FTO: variants seen among roughly 807,000 people sequenced by gnomAD.
FTO encodes FTO alpha-ketoglutarate dependent dioxygenase, also known as alpha-ketoglutarate-dependent dioxygenase FTO.
Under a neutral mutation model 63.9 loss-of-function variants are expected in FTO, and 47 were observed. The ratio of observed to expected loss-of-function variants is 0.74; its 90% CI spans 0.58 to 0.94. The LOEUF is 0.94. FTO is among the 40% of genes least tolerant of loss of function. The pLI, the probability that FTO is intolerant of heterozygous loss-of-function variation, is 0.00. For missense variants in FTO, 562 were observed against 618.1 expected, an observed-to-expected ratio of 0.91 and a Z score of 0.96; for synonymous variants, 207 against 224.4, an observed-to-expected ratio of 0.92 and a Z score of 0.69.
intron 4 of FTO, among the ~76,000 whole-genome samples, chr16:53,859,011 C>T (rs543993954): frequency 6.6e-6 from 1 of 152,300 alleles, no homozygotes; most frequent in East Asian, 1.9e-4. Flanking sequence ...TTAGCCAGGG[C>T]TACCTTTCTC....
chr16:53,944,656 T>C (rs2082615350), intron 8 of FTO, among the ~76,000 whole-genome samples: 1 of 152,218 alleles, frequency 6.6e-6, no homozygotes, highest in Admixed American at 6.5e-5. Context: ...GATGAGTTAC[T>C]TAACCCCTCT....
At chr16:53,751,342 C>T (rs557988152) in intron 1 of FTO, among the ~76,000 whole-genome samples, 122 of 152,194 alleles carry the variant, frequency 8.0e-4, no homozygotes, top group Admixed American at 1.4e-3. Context: ...CCTGTAGTCC[C>T]AGCTATTTGG....
chr16:54,042,299 C>A (rs552995596), intron 8 of FTO, among the ~76,000 whole-genome samples: 1 of 135,916 alleles, frequency 7.4e-6, no homozygotes, highest in Non-Finnish European at 1.5e-5. Context: ...ACCTGGGAAG[C>A]GCAAGGGGTC....
chr16:54,108,069 G>A (rs929813942), intron 8 of FTO, among the ~76,000 whole-genome samples: 8 of 152,190 alleles, frequency 5.3e-5, no homozygotes, highest in Admixed American at 4.6e-4. Context: ...CATGAAGCAT[G>A]GGGAAGGGAC....
At chr16:53,904,912 C>G (rs370670443) in intron 7 of FTO, among the ~76,000 whole-genome samples, 1 of 151,952 alleles carries the variant, frequency 6.6e-6, no homozygotes, top group African/African-American at 2.4e-5. Context: ...CAGGTTGAAG[C>G]CTTTACCTTG....
chr16:53,911,359 G>A (rs1014039997), intron 7 of FTO: 4 of 703,012 alleles, frequency 5.7e-6, no homozygotes, highest in Admixed American at 4.0e-5. Flanking sequence ...GGTGAGAAGA[G>A]GACCAGGAGT....
At chr16:53,899,146 G>C (rs1016118395) in intron 7 of FTO, among the ~76,000 whole-genome samples, 3 of 152,036 alleles carry the variant, frequency 2.0e-5, no homozygotes, top group Admixed American at 6.6e-5. Flanking sequence ...GGGCACAGAG[G>C]ACAGTCTTGT....
chr16:54,056,016 A>T (rs1480294480), intron 8 of FTO, among the ~76,000 whole-genome samples: 1 of 152,242 alleles, frequency 6.6e-6, no homozygotes, highest in Non-Finnish European at 1.5e-5. Context: ...GTTCTTTCCT[A>T]GTACCTATAA....
intron 6 of FTO, 134 bp downstream of exon 6, chr16:53,880,121 A>T: frequency 1.5e-6 from 1 of 679,788 alleles, no homozygotes; most frequent in Admixed American, 2.3e-5. Context: ...CAAGCTCCCG[A>T]ATAGGTGGGA....
At chr16:53,944,962 A>G (rs1380827342) in intron 8 of FTO, among the ~76,000 whole-genome samples, 1 of 152,138 alleles carries the variant, frequency 6.6e-6, no homozygotes. Context: ...AGAACACTAG[A>G]CAGAGTTGGT....
chr16:54,058,728 C>G (rs2085501562), intron 8 of FTO, among the ~76,000 whole-genome samples: 1 of 152,130 alleles, frequency 6.6e-6, no homozygotes, highest in Non-Finnish European at 1.5e-5. Context: ...TGGCTTTTCC[C>G]CCCACCTCCT....
At chr16:53,877,553 T>G (rs1329176158) in intron 5 of FTO, among the ~76,000 whole-genome samples, 1 of 152,126 alleles carries the variant, frequency 6.6e-6, no homozygotes, top group African/African-American at 2.4e-5. Flanking sequence ...TAGAAATCAG[T>G]TGGGGTTGGG....
rs2083605827 is a variant in FTO at position 53,983,915 on chromosome 16, T to G, written c.1364+49806T>G. On this transcript the variant is annotated intron_variant, in intron 8 of 8. Transcript: ENST00000471389. ...TTTATAAAAATTTTGACAACTAATA[T>G]AAAACACTATTTGAAAATGTATTTG... 1.3e-5 allele frequency among the ~76,000 whole-genome samples: 2 copies of G among 152,202 alleles called. 1 individual carries two copies. Among genetic ancestry groups the G allele is most frequent in the Admixed American group, 1.3e-4 (2 of 15,288 alleles).
chr16:53,813,069 C>T (rs1349810105), intron 2 of FTO, among the ~76,000 whole-genome samples: 1 of 152,152 alleles, frequency 6.6e-6, no homozygotes. Context: ...CCACTGTGCT[C>T]TGAACCAGCC....
At chr16:53,930,247 T>TTG (rs2082248536) in intron 7 of FTO, among the ~76,000 whole-genome samples, 2 of 145,084 alleles carry the variant, frequency 1.4e-5, no homozygotes, top group Non-Finnish European at 3.0e-5. Context: ...TTTTTTTTTT[T>TTG]GAGACAGAGT....
intron 1 of FTO, among the ~76,000 whole-genome samples, chr16:53,795,100 A>G (rs924011905): frequency 1.3e-5 from 2 of 152,188 alleles, no homozygotes; most frequent in Non-Finnish European, 2.9e-5. Context: ...ATATGCAGAA[A>G]TGGAAGAGGA....
intron 2 of FTO, among the ~76,000 whole-genome samples, chr16:53,819,834 A>G (rs2078805179): frequency 6.6e-6 from 1 of 151,826 alleles, no homozygotes; most frequent in South Asian, 2.1e-4. Flanking sequence ...CATTTTTAGC[A>G]CCCCAAAAAG....
chr16:54,073,545 C>G (rs564151264), intron 8 of FTO, among the ~76,000 whole-genome samples: 2 of 151,742 alleles, frequency 1.3e-5, no homozygotes, highest in East Asian at 3.9e-4. Flanking sequence ...CCACCTCCCC[C>G]ATGTGTATTT....
intron 7 of FTO, chr16:53,911,266 TA>T: frequency 1.6e-6 from 1 of 632,116 alleles, no homozygotes; most frequent in Non-Finnish European, 2.9e-6. Context: ...GTTTCAAGAG[TA>T]AAGGAGAACA....
Sources: gnomAD v4.1 joint callset for allele counts (sites outside exome capture counted in the v4.1 genomes callset) on GRCh38, gnomAD v4.1.1 for gene constraint, MANE v1.5 for transcripts, NCBI Gene and HGNC (gene_info 2026-07-23, HGNC 2026-07-21) for gene names.